DIXDC1: variants seen among roughly 807,000 people sequenced by gnomAD.
DIXDC1 encodes the protein DIX domain containing 1, also known as dixin.
A neutral mutation model predicts 103.1 loss-of-function variants in DIXDC1; 64 were observed. That is an observed-to-expected ratio of 0.62 (90% CI 0.51 to 0.76). The LOEUF is 0.76. DIXDC1 is among the 30% of genes least tolerant of loss of function. The pLI, the probability that DIXDC1 is intolerant of heterozygous loss-of-function variation, is 0.00. For missense variants in DIXDC1, 759 were observed against 834.2 expected (o/e 0.91, Z 1.11); for synonymous variants, 266 against 298.5 (o/e 0.89, Z 1.12).
chr11:112,016,619 C>A, intron 17 of DIXDC1, 72 bp from the exon 18 acceptor site: 1 of 1,315,494 alleles, frequency 7.6e-7, no homozygotes, highest in Non-Finnish European at 1.0e-6. Flanking sequence ...TCTCCCGGGA[C>A]ACTTTGAATA....
intron 17 of DIXDC1, among the ~76,000 whole-genome samples, chr11:112,011,359 GT>G (rs1861415309): frequency 6.6e-6 from 1 of 152,308 alleles, no homozygotes; most frequent in East Asian, 1.9e-4. Context: ...GTTGATGGAA[GT>G]GTAAATTAGT....
chr11:111,992,613 T>C, intron 11 of DIXDC1, 94 bp downstream of exon 11: 1 of 1,120,550 alleles, frequency 8.9e-7, no homozygotes. Context: ...CCTAATCTCT[T>C]ATCTTGCTTC....
intron 17 of DIXDC1, among the ~76,000 whole-genome samples, chr11:112,009,897 C>T (rs1312883914): frequency 6.6e-6 from 1 of 152,174 alleles, no homozygotes; most frequent in African/African-American, 2.4e-5. Flanking sequence ...TGAAAACTGG[C>T]ACAAGACAGG....
rs1031988136 is a variant in DIXDC1, at chr11:111,976,471, T to G, written c.656+1488T>G. On this transcript the variant is annotated intron_variant, in intron 5 of 19. Coordinates refer to ENST00000440460, the MANE Select transcript of DIXDC1 (RefSeq NM_001037954.4). This position sits in a 1 kb window ranked among gnomAD's most constrained non-coding sequence, Gnocchi z 4.3. ...TTTTCACTACTGGATTTTGACATTT[T>G]CTTCTAATGCTGACCCCTCATCCAG... 2.0e-5 allele frequency among the ~76,000 whole-genome samples: 3 copies of G among 152,208 alleles called. No individual in the cohort carries two copies. The highest frequency in any genetic ancestry group is 2.9e-5 in the Non-Finnish European group (2 of 68,034).
chr11:112,017,625 C>T lies in DIXDC1; in HGVS notation c.1863-152C>T, dbSNP rs1238592401. ...GTGATGACTGGTTCTCCAGCCTCTG[C>T]TGTTTTAGTCATCTGGGTTATCGGG... On this transcript the variant is annotated intron_variant, in intron 18 of 19. Transcript: ENST00000440460. This position sits in a 1 kb window ranked among gnomAD's most constrained non-coding sequence, Gnocchi z 4.0. 10 of 528,306 alleles carry T rather than the reference C, an allele frequency of 1.9e-5. No individual in the cohort carries two copies. Among genetic ancestry groups the T allele is most frequent in the African/African-American group, 5.8e-5 (3 of 52,114 alleles). The allele number at this position is 528,306 out of a possible 1,614,324, so 32.7% of individuals were successfully genotyped here. A position where few individuals can be genotyped will look rare whatever the true frequency, so the allele number is the denominator to read the frequency against.
At position 112,009,065 on chromosome 11, in the gene DIXDC1, C is replaced by T. The variant is rs1459296226; in HGVS notation, c.1757-7626C>T. Among the ~76,000 whole-genome samples the T allele has an allele frequency of 3.3e-5, 5 of 151,908 alleles. No individual in the cohort carries two copies. In the South Asian group the frequency reaches 8.3e-4, roughly 25 times the overall value. On this transcript the variant is annotated intron_variant, in intron 17 of 19. Coordinates refer to ENST00000440460, the MANE Select transcript of DIXDC1 (RefSeq NM_001037954.4). The stretch of plus-strand genomic sequence containing the variant: ...CAAAACTGATAGACCGCTAGCAAGA[C>T]TAATAAAGAAGAAAAGAGAGAGGCA...
intron 6 of DIXDC1, 101 bp downstream of exon 6, chr11:111,980,950 A>G: frequency 2.2e-6 from 2 of 912,656 alleles, no homozygotes; most frequent in Non-Finnish European, 1.7e-6. Context: ...CCCCATCTCC[A>G]TGGTCTGTGC....
chr11:111,976,181 G>C lies in DIXDC1; in HGVS notation c.656+1198G>C, dbSNP rs1193868223. 6.6e-6 allele frequency among the ~76,000 whole-genome samples: 1 copy of C among 152,170 alleles called. No homozygotes were observed. Among genetic ancestry groups the C allele is most frequent in the East Asian group, 1.9e-4 (1 of 5,180 alleles). ...GTTATCACCTGGAGCGGAATTACAG[G>C]ATGTTTTGTTGTATTGCTTCCTGCA... On this transcript the variant is annotated intron_variant, in intron 5 of 19. Transcript: ENST00000440460. This position sits in a 1 kb window ranked among gnomAD's most constrained non-coding sequence, Gnocchi z 4.3.
rs1278286335 is a variant in DIXDC1, at chr11:112,017,158, A to C, written c.1862+362A>C. On this transcript the variant is annotated intron_variant, in intron 18 of 19. Transcript: ENST00000440460. The surrounding 1 kb of genome is among the most constrained non-coding windows in gnomAD (Gnocchi z 4.0). Reference sequence around the variant, plus strand: ...TGGCACTCACTCCAGGACTATGACTAATTGATCTTTGTTACTATTCAATGA... The same window carrying C: ...TGGCACTCACTCCAGGACTATGACTCATTGATCTTTGTTACTATTCAATGA... Among the ~76,000 whole-genome samples the C allele has an allele frequency of 5.3e-5, 8 of 152,078 alleles. No homozygotes were observed. Among genetic ancestry groups the C allele is most frequent in the African/African-American group, 1.7e-4 (7 of 41,392 alleles).
chr11:111,930,372 C>G (rs1243584842), intron 2 of DIXDC1, among the ~76,000 whole-genome samples: 2 of 151,914 alleles, frequency 1.3e-5, no homozygotes, highest in African/African-American at 2.4e-5. Flanking sequence ...CTCTGCCTCC[C>G]GGGTTCAAGC....
At chr11:112,014,140 A>G (rs917825479) in intron 17 of DIXDC1, among the ~76,000 whole-genome samples, 5 of 152,272 alleles carry the variant, frequency 3.3e-5, no homozygotes, top group African/African-American at 9.6e-5. Flanking sequence ...AACTTTCAAC[A>G]TGAGGTGTTG....
Position 111,994,529 on chromosome 11 carries a change from ATATG to A in DIXDC1, c.1438-488_1438-485del, listed in dbSNP as rs1355537963. Among the ~76,000 whole-genome samples, 6 of 151,214 alleles carry A rather than the reference ATATG, an allele frequency of 4.0e-5. No homozygotes were observed. The East Asian group carries it at 1.2e-3, about 29-fold the overall frequency. On this transcript the variant is annotated intron_variant, in intron 14 of 19. Transcript: ENST00000440460. ...CATATATAACCATACATATATATGT[ATATG>A]TGTGTATATGTATATGTATGTATAT...
chr11:111,992,776 TC>T (rs587734826), intron 11 of DIXDC1, among the ~76,000 whole-genome samples, 174 bp from the exon 12 acceptor site: 276 of 152,334 alleles, frequency 1.8e-3, no homozygotes, highest in African/African-American at 6.4e-3. Context: ...AAATTGTGGT[TC>T]TACAGTCTAA....
intron 1 of DIXDC1, among the ~76,000 whole-genome samples, chr11:111,928,757 G>A (rs1461645854): frequency 2.6e-5 from 4 of 151,442 alleles, no homozygotes; most frequent in African/African-American, 9.7e-5. Context: ...GCGAGACTGC[G>A]TCTCAAAAAA....
chr11:111,949,594 C>G (rs1284420975), intron 1 of DIXDC1, among the ~76,000 whole-genome samples: 2 of 152,182 alleles, frequency 1.3e-5, no homozygotes, highest in Non-Finnish European at 2.9e-5. Flanking sequence ...TTCCAAGATG[C>G]CAGTCACACA....
chr11:111,962,306 A>AC (rs1270340023), intron 1 of DIXDC1, among the ~76,000 whole-genome samples: 1 of 152,060 alleles, frequency 6.6e-6, no homozygotes, highest in Non-Finnish European at 1.5e-5. Flanking sequence ...ATATGGTGAA[A>AC]CCCCATCTCT....
chr11:111,995,319 A>G (rs1860860332), intron 15 of DIXDC1, 84 bp from the exon 16 acceptor site: 1 of 1,550,470 alleles, frequency 6.4e-7, no homozygotes, highest in Non-Finnish European at 8.7e-7. Context: ...AATCTTCTGG[A>G]AACTTCTCTC....
chr11:111,940,168 T>G (rs1555168662), intron 1 of DIXDC1, among the ~76,000 whole-genome samples: 1 of 152,254 alleles, frequency 6.6e-6, no homozygotes, highest in Non-Finnish European at 1.5e-5. Flanking sequence ...TGTTGGCTTC[T>G]GTTCTCAATC....
intron 1 of DIXDC1, among the ~76,000 whole-genome samples, chr11:111,964,021 C>CT (rs1355577898): frequency 1.3e-5 from 2 of 152,190 alleles, no homozygotes; most frequent in Non-Finnish European, 2.9e-5. Flanking sequence ...GATGATTTCA[C>CT]TTAAGTCTCA....
Sources: gnomAD v4.1 joint callset for allele counts (sites outside exome capture counted in the v4.1 genomes callset) on GRCh38, gnomAD v4.1.1 for gene constraint, Gnocchi (gnomAD v3.1) non-coding constraint, MANE v1.5 for transcripts, NCBI Gene and HGNC (gene_info 2026-07-23, HGNC 2026-07-21) for gene names.